Variants in RGPD3 observed in about 807,000 individuals in gnomAD.
RGPD3 encodes the protein ranBP2-like and GRIP domain-containing protein 3.
Under a neutral mutation model 154.5 loss-of-function variants are expected in RGPD3, and 62 were observed. The ratio of observed to expected loss-of-function variants is 0.40; its 90% CI spans 0.33 to 0.50. RGPD3 has a LOEUF of 0.50. Ranked by LOEUF, RGPD3 falls within the 20% of genes least tolerant of loss-of-function variation. The pLI, the probability that RGPD3 is intolerant of heterozygous loss-of-function variation, is 0.59. For synonymous variants in RGPD3, 308 were observed against 607.0 expected, an observed-to-expected ratio of 0.51 and a Z score of 7.24; for missense variants, 919 against 1,716.8, an observed-to-expected ratio of 0.54 and a Z score of 8.21.
rs6718521 is a variant in RGPD3 at position 106,468,283 on chromosome 2, A to C, written c.6T>G (p.Ser2Arg). ...ACCGCTCCCCGTAGGCCTTGCTGCA[A>C]CTCATCGCGCCACCAACCTGGCTCC... M[S>R]CSKAYGERYV... Residue 2 changes from serine (S) to arginine (R), a missense_variant, in exon 1 of 23, where the codon AGT becomes AGG. Coordinates refer to ENST00000409886, the MANE Select transcript of RGPD3 (RefSeq NM_001144013.2). 2.3e-5 allele frequency: 36 copies of C among 1,595,844 alleles called. No individual in the cohort carries two copies. The African/African-American group carries it at 4.7e-4, about 21-fold the overall frequency.
intron 1 of RGPD3, among the ~76,000 whole-genome samples, chr2:106,465,698 G>A (rs1455534576): frequency 2.6e-5 from 4 of 151,444 alleles, no homozygotes; most frequent in African/African-American, 9.7e-5. Context: ...AAAATTGCAA[G>A]CCATACTAAC....
At position 106,415,834 on chromosome 2, in the gene RGPD3, G is replaced by A; in HGVS notation, c.5064+16C>T. 6.2e-7 allele frequency: 1 copy of A among 1,611,774 alleles called. No homozygotes were observed. Among genetic ancestry groups the A allele is most frequent in the Non-Finnish European group, 8.5e-7 (1 of 1,179,810 alleles). On this transcript the variant is annotated intron_variant, in intron 21 of 22. Coordinates refer to ENST00000409886, the MANE Select transcript of RGPD3 (RefSeq NM_001144013.2). ...AAACTGGCAGTTTTTATGGTGGCCAGGTTTTCTGATCTCACCTTAATTTGC... is the reference window on the plus strand; with the variant it reads ...AAACTGGCAGTTTTTATGGTGGCCAAGTTTTCTGATCTCACCTTAATTTGC...
chr2:106,446,264 TAAA>T (rs1239130246), intron 7 of RGPD3, among the ~76,000 whole-genome samples: 14 of 73,368 alleles, frequency 1.9e-4, no homozygotes, highest in South Asian at 5.2e-4. Flanking sequence ...GCAGGCTCAT[TAAA>T]AAAAAAAAAA....
At chr2:106,413,632 G>A (rs1676738339) in intron 21 of RGPD3, among the ~76,000 whole-genome samples, 1 of 152,204 alleles carries the variant, frequency 6.6e-6, no homozygotes, top group East Asian at 1.9e-4. Flanking sequence ...GAGGGGTGAA[G>A]TAGAAAGGCA....
intron 8 of RGPD3, 141 bp downstream of exon 8, chr2:106,441,152 C>G: frequency 1.1e-6 from 1 of 876,354 alleles, no homozygotes; most frequent in Non-Finnish European, 1.7e-6. Context: ...CTCTTCCATA[C>G]CTATTGCTCT....
At chr2:106,405,749 CTT>C (rs2104437581) in intron 22 of RGPD3, among the ~76,000 whole-genome samples, 1 of 148,534 alleles carries the variant, frequency 6.7e-6, no homozygotes, top group East Asian at 2.0e-4. Context: ...GTTGAGCCAA[CTT>C]AACAGCTAAT....
rs1343344228 is a variant in RGPD3, at chr2:106,404,093, C to A, written c.*1126G>T. 6.6e-6 allele frequency among the ~76,000 whole-genome samples: 1 copy of A among 152,036 alleles called. No homozygotes were observed. Among genetic ancestry groups the A allele is most frequent in the Non-Finnish European group, 1.5e-5 (1 of 68,038 alleles). On this transcript the variant is annotated 3_prime_UTR_variant, in exon 23 of 23. Coordinates refer to ENST00000409886, the MANE Select transcript of RGPD3 (RefSeq NM_001144013.2). ...AGGAACTGTGAAGATGTAGCACGGA[C>A]CTCTAAGGTGTCTAAAATCCCTTCT...
At chr2:106,422,914 T>G (rs1386305765) in intron 20 of RGPD3, 129 bp downstream of exon 20, 1 of 1,579,702 alleles carries the variant, frequency 6.3e-7, no homozygotes, top group African/African-American at 1.4e-5. Flanking sequence ...AAAAAATTGC[T>G]CAAATATTTT....
rs1677149930 is a variant in RGPD3, at chr2:106,424,984, C to G, written c.2983G>C (p.Gly995Arg). The G allele has an allele frequency of 6.2e-7, 1 of 1,611,666 alleles. No individual in the cohort carries two copies. The highest frequency in any genetic ancestry group is 1.3e-5 in the African/African-American group (1 of 74,790). ...AATTTTTCTCCAGCACCTGAAAATC[C>G]CTTGAAATTGAGGTCTTTTTTGCCA... ...QFGKKDLNFKGFSGAGEKLFS... is the reference protein window; with the variant it reads ...QFGKKDLNFKRFSGAGEKLFS... The change falls in exon 20 of 23, where the codon GGA becomes CGA. Residue 995 changes from glycine (G) to arginine (R), a missense_variant. Transcript: ENST00000409886.
intron 6 of RGPD3, among the ~76,000 whole-genome samples, chr2:106,450,705 CAAAA>C (rs768839840): frequency 0.18 from 7,353 of 40,850 alleles, 2 homozygotes; most frequent in South Asian, 0.26. Flanking sequence ...GACTCTGTCT[CAAAA>C]AAAAAAAAAA....
intron 1 of RGPD3, among the ~76,000 whole-genome samples, chr2:106,461,840 A>C (rs1392789308): frequency 2.6e-5 from 4 of 152,156 alleles, no homozygotes; most frequent in Non-Finnish European, 4.4e-5. Flanking sequence ...CAAAAAAAAA[A>C]AGAACTATAG....
rs760272452 is a variant in RGPD3, at chr2:106,424,298, A to C, written c.3669T>G (p.Gly1223=). 1 of 1,611,860 alleles carries C rather than the reference A, an allele frequency of 6.2e-7. No homozygotes were observed. Among genetic ancestry groups the C allele is most frequent in the Admixed American group, 1.7e-5 (1 of 60,002 alleles). Residue 1223 remains glycine, a synonymous_variant, in exon 20 of 23, where the codon GGT becomes GGG. Transcript: ENST00000409886. ...AGGCACCGGCCGCACCTGTACCTGAACCCTTATTTTCTTCCTCAGCGACTT... is the reference window on the plus strand; with the variant it reads ...AGGCACCGGCCGCACCTGTACCTGACCCCTTATTTTCTTCCTCAGCGACTT... ...QTKVAEEENK[G]SGTGAAGASD...
At chr2:106,466,000 G>A (rs1678564546) in intron 1 of RGPD3, among the ~76,000 whole-genome samples, 1 of 152,002 alleles carries the variant, frequency 6.6e-6, no homozygotes, top group Non-Finnish European at 1.5e-5. Flanking sequence ...GGCCAAGGAG[G>A]TATGACCTCC....
chr2:106,416,073 T>C lies in RGPD3; in HGVS notation c.4925-84A>G, dbSNP rs914510705. 1.9e-5 allele frequency: 30 copies of C among 1,549,078 alleles called. 1 individual carries two copies. In the South Asian group the frequency reaches 3.1e-4, roughly 16 times the overall value. On this transcript the variant is annotated intron_variant, in intron 20 of 22. Coordinates refer to ENST00000409886, the MANE Select transcript of RGPD3 (RefSeq NM_001144013.2). Reference sequence around the variant, plus strand: ...TAAATAAGAAAAATCTAAATATAAATATCTTACTATGTGATATTTTATAGC... The same window carrying C: ...TAAATAAGAAAAATCTAAATATAAACATCTTACTATGTGATATTTTATAGC...
intron 7 of RGPD3, among the ~76,000 whole-genome samples, chr2:106,446,742 C>T (rs1486075564): frequency 1.8e-3 from 264 of 144,250 alleles, no homozygotes; most frequent in African/African-American, 6.3e-3. Flanking sequence ...ATTAGCTGGG[C>T]TTGGTAGCAC....
intron 20 of RGPD3, 63 bp from the exon 21 acceptor site, chr2:106,416,052 T>G: frequency 1.3e-6 from 2 of 1,580,058 alleles, no homozygotes; most frequent in East Asian, 4.5e-5. Flanking sequence ...AGATTCTAAA[T>G]AAGAAAAATC....
rs1361461206 is a variant in RGPD3, at chr2:106,415,883, C to T, written c.5031G>A (p.Glu1677=). The T allele has an allele frequency of 3.1e-6, 5 of 1,611,858 alleles. No individual in the cohort carries two copies. Among genetic ancestry groups the T allele is most frequent in the Non-Finnish European group, 4.2e-6 (5 of 1,179,840 alleles). The change falls in exon 21 of 23, where the codon GAG becomes GAA. Residue 1677 remains glutamate, a synonymous_variant. Transcript: ENST00000409886. ...GCTCCATAAGGACTGCATTGGTTGC[C>T]TCTATTTCCCGAAGCAGGCCGTTTA... ...DHLNGLLREI[E]ATNAVLMEQI...
chr2:106,451,569 A>G (rs1324624774), intron 6 of RGPD3, among the ~76,000 whole-genome samples: 4 of 151,390 alleles, frequency 2.6e-5, no homozygotes, highest in Non-Finnish European at 5.9e-5. Context: ...GCATTCCAAT[A>G]AATATTAACA....
intron 7 of RGPD3, among the ~76,000 whole-genome samples, chr2:106,446,344 G>T (rs1212240341): frequency 1.3e-5 from 2 of 151,880 alleles, no homozygotes; most frequent in African/African-American, 4.8e-5. Flanking sequence ...GAGGCAGGTG[G>T]ATGACTAGGT....
Sources: allele counts gnomAD v4.1 joint callset (sites outside exome capture counted in the v4.1 genomes callset), GRCh38; gene constraint gnomAD v4.1.1; transcripts MANE v1.5; gene names NCBI Gene and HGNC (gene_info 2026-07-23, HGNC 2026-07-21).